Variants in DIAPH2 observed in about 807,000 individuals in gnomAD.
DIAPH2 encodes the protein diaphanous related formin 2, also known as protein diaphanous homolog 2.
A neutral mutation model predicts 92.7 loss-of-function variants in DIAPH2; 35 were observed. The observed-to-expected ratio is 0.38, with a 90% CI of 0.29 to 0.50. DIAPH2 has a LOEUF of 0.50. DIAPH2 is among the 20% of genes least tolerant of loss of function. The pLI is 0.94. For missense variants in DIAPH2, 701 were observed against 819.5 expected (o/e 0.86, Z 1.77); for synonymous variants, 301 against 280.4 (o/e 1.07, Z -0.73).
At chrX:97,010,331 T>G (rs1420797031) in intron 17 of DIAPH2, among the ~76,000 whole-genome samples, 5 of 93,751 alleles carry the variant, frequency 5.3e-5, no homozygotes, top group African/African-American at 1.6e-4. Flanking sequence ...ATGTTGGGGG[T>G]GGGGAGTGGT....
At chrX:96,979,837 G>T (rs1402351651) in intron 17 of DIAPH2, among the ~76,000 whole-genome samples, 2 of 111,727 alleles carry the variant, frequency 1.8e-5, no homozygotes, top group Non-Finnish European at 3.8e-5. Flanking sequence ...TCCTTCACTG[G>T]CGGAAACTGG....
chrX:97,251,005 G>GC (rs1380643575), intron 23 of DIAPH2, among the ~76,000 whole-genome samples: 1 of 111,570 alleles, frequency 9.0e-6, no homozygotes, highest in Non-Finnish European at 1.9e-5. Flanking sequence ...TTTCTAGCCT[G>GC]CTGGGGCCAA....
chrX:96,883,975 ATAGATAGG>A (rs1025585180), intron 5 of DIAPH2: 1 of 175,859 alleles, frequency 5.7e-6, no homozygotes, highest in African/African-American at 3.0e-5. Flanking sequence ...GGGACTTTTA[ATAGATAGG>A]CGCTTTGACC....
rs138261780 is a variant in DIAPH2 at position 97,283,042 on chromosome X, G to A, written c.2844+35203G>A. ...GGGTAGTGGTAGATGGAGGCTGACAGACACCTTCCAGATCCACTTTAGAGG... is the reference window on the plus strand; with the variant it reads ...GGGTAGTGGTAGATGGAGGCTGACAAACACCTTCCAGATCCACTTTAGAGG... On this transcript the variant is annotated intron_variant, in intron 23 of 26. Coordinates refer to ENST00000324765, the MANE Select transcript of DIAPH2 (RefSeq NM_006729.5). Among the ~76,000 whole-genome samples, 260 of 111,582 alleles carry A rather than the reference G, an allele frequency of 2.3e-3. 1 individual carries two copies. Among genetic ancestry groups the A allele is most frequent in the African/African-American group, 7.9e-3 (243 of 30,780 alleles).
intron 26 of DIAPH2, among the ~76,000 whole-genome samples, chrX:97,583,402 C>T (rs1216680044): frequency 9.1e-6 from 1 of 109,813 alleles, no homozygotes; most frequent in Non-Finnish European, 1.9e-5. Context: ...AGACAGGACC[C>T]TCAGCTGCAG....
intron 22 of DIAPH2, among the ~76,000 whole-genome samples, chrX:97,226,337 C>CGTTTTTT (rs200517104): frequency 0.054 from 5,997 of 110,157 alleles, 454 homozygotes; most frequent in African/African-American, 0.19. Flanking sequence ...AATGAGTATA[C>CGTTTTTT]GTTTTTTGTT....
At chrX:96,871,242 G>A (rs2065139599) in intron 4 of DIAPH2, among the ~76,000 whole-genome samples, 1 of 110,446 alleles carries the variant, frequency 9.1e-6, no homozygotes, top group Non-Finnish European at 1.9e-5. Flanking sequence ...GCCGAGGCGG[G>A]AGGATCATGA....
chrX:96,990,556 T>A (rs2066062631), intron 17 of DIAPH2, among the ~76,000 whole-genome samples: 1 of 111,689 alleles, frequency 9.0e-6, no homozygotes, highest in African/African-American at 3.3e-5. Context: ...CCCTGTTTTT[T>A]AAATTTTTTT....
intron 25 of DIAPH2, among the ~76,000 whole-genome samples, chrX:97,386,780 C>G (rs967170422): frequency 9.4e-6 from 1 of 106,695 alleles, no homozygotes; most frequent in African/African-American, 3.4e-5. Context: ...ATTGTGAGCT[C>G]TCTTTCTTTC....
At chrX:96,906,055 G>C (rs2065431587) in intron 5 of DIAPH2, among the ~76,000 whole-genome samples, 1 of 112,580 alleles carries the variant, frequency 8.9e-6, no homozygotes, top group Non-Finnish European at 1.9e-5. Context: ...GGTGAACCCG[G>C]GAGGCGGAGC....
At chrX:97,021,848 T>C (rs1383427704) in intron 17 of DIAPH2, among the ~76,000 whole-genome samples, 1 of 111,666 alleles carries the variant, frequency 9.0e-6, no homozygotes, top group African/African-American at 3.3e-5. Flanking sequence ...GCACTTCCTT[T>C]GTGCGGAGTA....
At chrX:97,309,365 T>C (rs2068775155) in intron 23 of DIAPH2, among the ~76,000 whole-genome samples, 1 of 110,841 alleles carries the variant, frequency 9.0e-6, no homozygotes, top group Non-Finnish European at 1.9e-5. Context: ...CCTCCCAAAG[T>C]GCTGGAATTA....
intron 4 of DIAPH2, among the ~76,000 whole-genome samples, chrX:96,838,681 TGA>T (rs200968807): frequency 0.013 from 1,489 of 111,369 alleles, 13 homozygotes; most frequent in Non-Finnish European, 0.02. Context: ...TGAAAAGAAA[TGA>T]GAGAGTCAAA....
intron 26 of DIAPH2, among the ~76,000 whole-genome samples, chrX:97,558,308 G>A (rs768066914): frequency 7.1e-5 from 8 of 112,068 alleles, no homozygotes; most frequent in Non-Finnish European, 9.4e-5. Context: ...TTTAGCTTGC[G>A]AACTTTGAAG....
chrX:97,162,155 C>T (rs73546786), intron 22 of DIAPH2, among the ~76,000 whole-genome samples: 3,100 of 110,185 alleles, frequency 0.028, 105 homozygotes, highest in African/African-American at 0.094. Flanking sequence ...TTTTTTTCTC[C>T]CCACTAATTC....
intron 26 of DIAPH2, among the ~76,000 whole-genome samples, chrX:97,437,654 C>A (rs2070201020): frequency 9.1e-6 from 1 of 109,490 alleles, no homozygotes; most frequent in African/African-American, 3.3e-5. Flanking sequence ...AAGGAAATGA[C>A]AAAAACATGT....
intron 4 of DIAPH2, among the ~76,000 whole-genome samples, chrX:96,790,992 TC>T (rs780878417): frequency 1.8e-5 from 2 of 111,688 alleles, no homozygotes; most frequent in African/African-American, 6.5e-5. Context: ...GTTAGCTTTC[TC>T]CCCCCTTTTA....
At chrX:97,046,662 T>C (rs910456784) in intron 17 of DIAPH2, among the ~76,000 whole-genome samples, 2 of 112,009 alleles carry the variant, frequency 1.8e-5, no homozygotes, top group Admixed American at 9.5e-5. Context: ...GCCATACAAA[T>C]GCAGGCCTGC....
At chrX:97,107,465 AATGAGT>A (rs2066949813) in intron 20 of DIAPH2, among the ~76,000 whole-genome samples, 1 of 111,953 alleles carries the variant, frequency 8.9e-6, no homozygotes, top group South Asian at 3.7e-4. Flanking sequence ...AAAGTATTAG[AATGAGT>A]ATAAGTAGGA....
Sources: allele counts gnomAD v4.1 joint callset (sites outside exome capture counted in the v4.1 genomes callset), GRCh38; gene constraint gnomAD v4.1.1; transcripts MANE v1.5; gene names NCBI Gene and HGNC (gene_info 2026-07-23, HGNC 2026-07-21).